The following FARP1 variants were observed in gnomAD, a reference collection of about 807,000 sequenced individuals.
FARP1 encodes the protein FERM, ARH/RhoGEF and pleckstrin domain protein 1.
Under a neutral mutation model 128.8 loss-of-function variants are expected in FARP1, and 52 were observed. The ratio of observed to expected loss-of-function variants is 0.40; its 90% CI spans 0.32 to 0.51. FARP1 has a LOEUF of 0.51. Ranked by LOEUF, FARP1 falls within the 20% of genes least tolerant of loss-of-function variation. FARP1 has a pLI of 0.45. For missense variants in FARP1, 1,333 were observed against 1,367.9 expected, an observed-to-expected ratio of 0.97 and a Z score of 0.40; for synonymous variants, 580 against 551.8, an observed-to-expected ratio of 1.05 and a Z score of -0.72.
chr13:98,212,838 T>A (rs1880815321), intron 1 of FARP1, among the ~76,000 whole-genome samples: 1 of 152,166 alleles, frequency 6.6e-6, no homozygotes, highest in Non-Finnish European at 1.5e-5. Flanking sequence ...CATGTAACTA[T>A]GTCCATAAAG....
At chr13:98,224,564 A>C in intron 2 of FARP1, among the ~76,000 whole-genome samples, 1 of 146,026 alleles carries the variant, frequency 6.8e-6, no homozygotes, top group Admixed American at 6.9e-5. Context: ...AAAAGAAAAC[A>C]CAAAACAATA....
chr13:98,234,957 C>A (rs1393337467), intron 2 of FARP1, among the ~76,000 whole-genome samples: 1 of 152,208 alleles, frequency 6.6e-6, no homozygotes, highest in Non-Finnish European at 1.5e-5. Context: ...TTAGTAACAT[C>A]TTTTAATTCC....
intron 11 of FARP1, among the ~76,000 whole-genome samples, chr13:98,393,229 G>C (rs1287818211): frequency 6.6e-6 from 1 of 152,170 alleles, no homozygotes; most frequent in Non-Finnish European, 1.5e-5. Context: ...TTATAGAACT[G>C]ATCCAGAAAA....
At chr13:98,317,596 G>T (rs1293956884) in intron 2 of FARP1, among the ~76,000 whole-genome samples, 1 of 152,080 alleles carries the variant, frequency 6.6e-6, no homozygotes, top group Non-Finnish European at 1.5e-5. Flanking sequence ...TCCAAAGAAG[G>T]TAAAGATGGG....
At chr13:98,157,726 T>G (rs74242957) in intron 1 of FARP1, among the ~76,000 whole-genome samples, 1 of 152,216 alleles carries the variant, frequency 6.6e-6, no homozygotes, top group African/African-American at 2.4e-5. Flanking sequence ...AGAGCAGAGA[T>G]AGAAGCTCAG....
chr13:98,291,540 T>C lies in FARP1; in HGVS notation c.172-52222T>C, dbSNP rs552533169. ...TATAAAATCATTCGTTCAGCAGAAC[T>C]TGGTGGTTGGATTCCAAACCTGCAA... On this transcript the variant is annotated intron_variant, in intron 2 of 26. Transcript: ENST00000319562. Among the ~76,000 whole-genome samples the C allele has an allele frequency of 6.0e-4, 92 of 152,322 alleles. 4 individuals carry two copies. The highest frequency in any genetic ancestry group is 4.8e-3 in the Admixed American group (73 of 15,302).
intron 21 of FARP1, among the ~76,000 whole-genome samples, 184 bp downstream of exon 21, chr13:98,439,380 C>T (rs2274051): frequency 0.26 from 40,306 of 152,138 alleles, 6,531 homozygotes; most frequent in East Asian, 0.42. Context: ...CACCTAAAAG[C>T]TCGAGCCTTC....
chr13:98,163,542 GT>G lies in FARP1; in HGVS notation c.-24+20062del, dbSNP rs11440644. ...TCAAATCAAATCCTTATTTGTTGGT[GT>G]TTTTTTTTTTTGAGATGGGATCTCA... On this transcript the variant is annotated intron_variant, in intron 1 of 26. Transcript: ENST00000319562. Among the ~76,000 whole-genome samples the G allele has an allele frequency of 6.1e-3, 896 of 146,056 alleles. 7 individuals are homozygous for G. The highest frequency in any genetic ancestry group is 0.021 in the African/African-American group (828 of 39,734).
rs1890489760 is a variant in FARP1, at chr13:98,395,438, C to T, written c.1376C>T (p.Thr459Ile). The T allele has an allele frequency of 2.5e-6, 4 of 1,603,346 alleles. No homozygotes were observed. Among genetic ancestry groups the T allele is most frequent in the Non-Finnish European group, 3.4e-6 (4 of 1,172,314 alleles). ...EEEEEVVKDR[T>I]QQSKPQPPQP... The stretch of plus-strand genomic sequence containing the variant: ...GAGGAGGAGGTCGTTAAGGATAGGA[C>T]CCAGCAGAGTAAACCTCAGCCCCCG... The change falls in exon 13 of 27, where the codon ACC becomes ATC. Residue 459 changes from threonine (T) to isoleucine (I), a missense_variant. This residue lies in a region of FARP1 where 1,009 missense variants were observed against 969.8 expected (regional missense o/e 1.04). Coordinates refer to ENST00000319562, the MANE Select transcript of FARP1 (RefSeq NM_005766.4).
chr13:98,145,026 C>T (rs1297526639), intron 1 of FARP1, among the ~76,000 whole-genome samples: 1 of 152,150 alleles, frequency 6.6e-6, no homozygotes, highest in African/African-American at 2.4e-5. Context: ...CCAAGCACAA[C>T]GAAGCGTTTG....
At chr13:98,173,744 G>C (rs1355830567) in intron 1 of FARP1, among the ~76,000 whole-genome samples, 1 of 152,210 alleles carries the variant, frequency 6.6e-6, no homozygotes, top group Non-Finnish European at 1.5e-5. Context: ...TGACCGGAAA[G>C]ATAGGGGTTG....
At chr13:98,228,391 A>G (rs1413500866) in intron 2 of FARP1, among the ~76,000 whole-genome samples, 16 of 152,218 alleles carry the variant, frequency 1.1e-4, no homozygotes, top group Non-Finnish European at 2.9e-5. Context: ...AAAAATGGCT[A>G]AAATGGTAAA....
At chr13:98,343,970 T>A in intron 3 of FARP1, 104 bp downstream of exon 3, 1 of 761,814 alleles carries the variant, frequency 1.3e-6, no homozygotes, top group Non-Finnish European at 2.3e-6. Context: ...ATTTTCATGC[T>A]GTCTGTTTTG....
chr13:98,196,576 A>C (rs1165909368), intron 1 of FARP1, among the ~76,000 whole-genome samples: 1 of 152,228 alleles, frequency 6.6e-6, no homozygotes, highest in Non-Finnish European at 1.5e-5. Flanking sequence ...GAAACCTAAA[A>C]TCCAGGAAAG....
Position 98,431,296 on chromosome 13 carries a change from C to G in FARP1, c.2143+16C>G. On this transcript the variant is annotated intron_variant, in intron 18 of 26. Coordinates refer to ENST00000319562, the MANE Select transcript of FARP1 (RefSeq NM_005766.4). ...GACTGCCGAGGTGAGTGCTGGGAGC[C>G]TGCGCCACCTGGTGCCCATGCCACA... 1 of 1,539,788 alleles carries G rather than the reference C, an allele frequency of 6.5e-7. No homozygotes were observed. The highest frequency in any genetic ancestry group is 8.8e-7 in the Non-Finnish European group (1 of 1,132,354).
chr13:98,330,072 G>C (rs1887433304), intron 2 of FARP1: 1 of 152,380 alleles, frequency 6.6e-6, no homozygotes, highest in Non-Finnish European at 1.5e-5. Context: ...GAAGAAAGAG[G>C]TGAGGGAATT....
chr13:98,305,125 AATTT>A (rs927308299), intron 2 of FARP1, among the ~76,000 whole-genome samples: 6 of 144,274 alleles, frequency 4.2e-5, no homozygotes, highest in Admixed American at 1.4e-4. Context: ...TATATTTTTT[AATTT>A]ATTTATTTTT....
At chr13:98,241,966 A>G (rs1268072289) in intron 2 of FARP1, among the ~76,000 whole-genome samples, 1 of 152,144 alleles carries the variant, frequency 6.6e-6, no homozygotes, top group Non-Finnish European at 1.5e-5. Context: ...TTAACCAGGC[A>G]CGGTGGTATG....
chr13:98,267,488 C>T (rs917505242), intron 2 of FARP1, among the ~76,000 whole-genome samples: 1 of 152,114 alleles, frequency 6.6e-6, no homozygotes, highest in Non-Finnish European at 1.5e-5. Flanking sequence ...ACGCTCCCAC[C>T]CCCCCATATC....
Sources: gnomAD v4.1 joint callset for allele counts (sites outside exome capture counted in the v4.1 genomes callset) on GRCh38, gnomAD v4.1.1 for gene constraint, gnomAD v4.1.1 regional missense constraint, MANE v1.5 for transcripts, NCBI Gene and HGNC (gene_info 2026-07-23, HGNC 2026-07-21) for gene names.